Variants in GPD2 observed in about 807,000 individuals in gnomAD.
GPD2 encodes glycerol-3-phosphate dehydrogenase 2.
A neutral mutation model predicts 82.4 loss-of-function variants in GPD2; 54 were observed. The observed-to-expected ratio is 0.66, with a 90% CI of 0.53 to 0.82. The LOEUF (loss-of-function observed/expected upper bound fraction) is 0.82. GPD2 is among the 40% of genes least tolerant of loss of function. GPD2 has a pLI of 0.00. For missense variants in GPD2, 748 were observed against 896.2 expected, an observed-to-expected ratio of 0.83 and a Z score of 2.11; for synonymous variants, 288 against 306.1, an observed-to-expected ratio of 0.94 and a Z score of 0.62.
At chr2:156,535,437 G>GGGGGGA (rs138855830) in intron 6 of GPD2, among the ~76,000 whole-genome samples, 10 of 80,268 alleles carry the variant, frequency 1.2e-4, no homozygotes, top group African/African-American at 3.1e-4. Flanking sequence ...AGGGGGGTGG[G>GGGGGGA]GAGAGAGAGA....
At chr2:156,521,691 G>C (rs969419127) in intron 6 of GPD2, among the ~76,000 whole-genome samples, 3 of 152,150 alleles carry the variant, frequency 2.0e-5, no homozygotes, top group South Asian at 2.1e-4. Context: ...TTGCACATAT[G>C]AACATGCCTC....
At chr2:156,417,074 C>A in the GPD2 span, among the ~76,000 whole-genome samples, 1 of 152,150 alleles carries the variant, frequency 6.6e-6, no homozygotes, top group African/African-American at 2.4e-5. Flanking sequence ...ATACTTAACA[C>A]GCTGCATTGC....
At chr2:156,522,921 T>A (rs13433023) in intron 6 of GPD2, among the ~76,000 whole-genome samples, 3,019 of 148,070 alleles carry the variant, frequency 0.02, 90 homozygotes, top group African/African-American at 0.068. Context: ...TTTTTTTTCT[T>A]TTTAAAGACT....
rs1019439651 is a variant in GPD2, at chr2:156,571,142, T to C, written c.1617T>C (p.Tyr539=). 1.9e-6 allele frequency: 3 copies of C among 1,602,634 alleles called. No individual in the cohort carries two copies. The highest frequency in any genetic ancestry group is 2.6e-6 in the Non-Finnish European group (3 of 1,169,642). ...CTTTAATTCAAACTCAGGTGAAATA[T>C]GGGATTAAGGAGTATGCCTGCACTG... ...EFPYIEAEVK[Y]GIKEYACTAV... The change falls in exon 13 of 17, where the codon TAT becomes TAC. Residue 539 remains tyrosine (Y), a synonymous_variant. Transcript: ENST00000438166.
chr2:156,544,593 A>G (rs552918969), intron 6 of GPD2, among the ~76,000 whole-genome samples: 126 of 152,298 alleles, frequency 8.3e-4, no homozygotes, highest in Non-Finnish European at 1.2e-3. Context: ...TTTCAGCTTT[A>G]CTGATGCCCA....
At chr2:156,568,990 C>CTTTTTTTTTTTTTTT in intron 10 of GPD2, 31 bp downstream of exon 10, 1 of 1,253,296 alleles carries the variant, frequency 8.0e-7, no homozygotes, top group Non-Finnish European at 1.1e-6. Context: ...ATTTTCTTTT[C>CTTTTTTTTTTTTTTT]TTTTTTTTTT....
intron 2 of GPD2, among the ~76,000 whole-genome samples, chr2:156,483,748 A>G (rs1187490307): frequency 2.0e-5 from 3 of 152,202 alleles, no homozygotes; most frequent in Admixed American, 2.0e-4. Flanking sequence ...TAAAGAAACA[A>G]TTTAAATTAC....
intron 6 of GPD2, among the ~76,000 whole-genome samples, chr2:156,525,935 T>A (rs577862250): frequency 2.4e-4 from 37 of 152,260 alleles, no homozygotes; most frequent in Non-Finnish European, 3.8e-4. Context: ...ACTTAAAAAA[T>A]TTTTTTAGGA....
Position 156,550,619 on chromosome 2 carries a change from A to G in GPD2, c.844A>G (p.Arg282Gly). 1 of 1,614,038 alleles carries G rather than the reference A, an allele frequency of 6.2e-7. No homozygotes were observed. Among genetic ancestry groups the G allele is most frequent in the Non-Finnish European group, 8.5e-7 (1 of 1,179,854 alleles). The part of the protein sequence containing the change: ...DVLTGQEFDV[R>G]AKCVINATGP... ...TTTCACAGGGCAGGAATTTGACGTG[A>G]GAGCCAAATGTGTTATCAATGCCAC... Residue 282 changes from arginine (R) to glycine (G), a missense_variant, in exon 8 of 17, where the codon AGA (arginine) becomes GGA (glycine). Physicochemically the swap from Arg to Gly is moderately radical, Grantham distance 125 (BLOSUM62 -2). Coordinates refer to ENST00000438166, the MANE Select transcript of GPD2 (RefSeq NM_000408.5).
At chr2:156,480,760 C>T (rs1169353942) in intron 2 of GPD2, among the ~76,000 whole-genome samples, 1 of 150,036 alleles carries the variant, frequency 6.7e-6, no homozygotes, top group African/African-American at 2.4e-5. Context: ...ATATGAAAAT[C>T]AAGATCTCTC....
intron 13 of GPD2, among the ~76,000 whole-genome samples, chr2:156,577,720 C>G (rs1363669096): frequency 6.6e-6 from 1 of 152,148 alleles, no homozygotes; most frequent in Non-Finnish European, 1.5e-5. Context: ...TACTCAATAA[C>G]AGTCAATTTC....
At chr2:156,457,313 T>C (rs1421844697) in intron 1 of GPD2, among the ~76,000 whole-genome samples, 1 of 152,210 alleles carries the variant, frequency 6.6e-6, no homozygotes, top group African/African-American at 2.4e-5. Context: ...TTGCTCAGGC[T>C]TCTTACAGGG....
At chr2:156,415,307 C>T in the GPD2 span, among the ~76,000 whole-genome samples, 1 of 151,614 alleles carries the variant, frequency 6.6e-6, no homozygotes, top group Admixed American at 6.6e-5. Flanking sequence ...TACACGCGCC[C>T]GCCACCACTC....
chr2:156,495,552 C>G (rs1205338755), intron 2 of GPD2: 1 of 440,176 alleles, frequency 2.3e-6, no homozygotes, highest in South Asian at 1.7e-5. Flanking sequence ...TATGTACCCC[C>G]AAACTCTAGA....
rs144313821 is a variant in GPD2, at chr2:156,490,138, A to G, written c.103-5906A>G. ...CAGGTCTAGGAAGATTTGGAACCCA[A>G]AGCCCTCTTGTCTTAAAGTGTGTTG... On this transcript the variant is annotated intron_variant, in intron 2 of 16. Coordinates refer to ENST00000438166, the MANE Select transcript of GPD2 (RefSeq NM_000408.5). Among the ~76,000 whole-genome samples, 468 of 152,184 alleles carry G rather than the reference A, an allele frequency of 3.1e-3. 1 individual carries two copies. The highest frequency in any genetic ancestry group is 0.01 in the African/African-American group (428 of 41,538).
At chr2:156,521,395 A>G (rs1198921903) in intron 6 of GPD2, among the ~76,000 whole-genome samples, 1 of 152,218 alleles carries the variant, frequency 6.6e-6, no homozygotes, top group South Asian at 2.1e-4. Context: ...GCTCTGCATT[A>G]CACATCTATA....
chr2:156,451,430 C>A (rs1682571037), intron 1 of GPD2, among the ~76,000 whole-genome samples: 1 of 133,116 alleles, frequency 7.5e-6, no homozygotes, highest in Non-Finnish European at 1.7e-5. Flanking sequence ...CTGACCCCCC[C>A]ACCTCCCTCC....
chr2:156,579,571 A>G, intron 15 of GPD2, 119 bp from the exon 16 acceptor site: 1 of 677,162 alleles, frequency 1.5e-6, no homozygotes, highest in East Asian at 2.8e-5. Context: ...ACCTCAACTA[A>G]TCTGCCTGCC....
chr2:156,433,185 T>C (rs1688337160), upstream of GPD2, among the ~76,000 whole-genome samples: 2 of 152,220 alleles, frequency 1.3e-5, no homozygotes, highest in Admixed American at 1.3e-4. Context: ...GTTTACAGTT[T>C]ATAGTTTTAA....
Sources: allele counts gnomAD v4.1 joint callset (sites outside exome capture counted in the v4.1 genomes callset), GRCh38; gene constraint gnomAD v4.1.1; transcripts MANE v1.5; gene names NCBI Gene and HGNC (gene_info 2026-07-23, HGNC 2026-07-21).